The following HTT variants were observed in gnomAD, a reference collection of about 807,000 sequenced individuals.
HTT encodes the protein huntington disease protein.
Under a neutral mutation model 362.3 loss-of-function variants are expected in HTT, and 104 were observed. The observed-to-expected ratio is 0.29, with a 90% CI of 0.24 to 0.34. The LOEUF (loss-of-function observed/expected upper bound fraction) is 0.34. Ranked by LOEUF, HTT falls within the 10% of genes least tolerant of loss-of-function variation. The probability of loss-of-function intolerance (pLI) is 1.00; values close to 1 mark genes in which losing one functional copy is unlikely to be tolerated. For synonymous variants in HTT, 1,577 were observed against 1,548.7 expected, an observed-to-expected ratio of 1.02 and a Z score of -0.43; for missense variants, 3,301 against 3,928.6, an observed-to-expected ratio of 0.84 and a Z score of 4.27.
chr4:3,173,920 C>G (rs1164370001), intron 31 of HTT, among the ~76,000 whole-genome samples: 4 of 152,142 alleles, frequency 2.6e-5, no homozygotes, highest in African/African-American at 9.7e-5. Flanking sequence ...ATCTGCCCGT[C>G]CCGGCCTCCC....
chr4:3,202,584 C>T (rs549162768), intron 41 of HTT, among the ~76,000 whole-genome samples: 10 of 152,154 alleles, frequency 6.6e-5, no homozygotes, highest in Non-Finnish European at 1.5e-4. Flanking sequence ...CCTCCCCCAA[C>T]CACATCAAGA....
chr4:3,186,836 T>A, intron 38 of HTT, 117 bp downstream of exon 38: 1 of 697,510 alleles, frequency 1.4e-6, no homozygotes, highest in Non-Finnish European at 2.1e-6. Flanking sequence ...CTTGAGAGTT[T>A]GCTTTTTTTT....
chr4:3,139,442 C>T (rs371645641), intron 21 of HTT, among the ~76,000 whole-genome samples: 2 of 152,172 alleles, frequency 1.3e-5, no homozygotes, highest in African/African-American at 4.8e-5. Context: ...AAGCGGTCCC[C>T]CTGTCTCGGC....
chr4:3,155,201 CTATT>C (rs202108471), intron 27 of HTT, among the ~76,000 whole-genome samples: 9 of 151,630 alleles, frequency 5.9e-5, no homozygotes, highest in East Asian at 5.8e-4. Flanking sequence ...TATATCAAGG[CTATT>C]TATTTATTTA....
chr4:3,240,384 T>C lies in HTT; in HGVS notation c.*325T>C. The C allele has an allele frequency of 2.6e-6, 1 of 382,182 alleles. No homozygotes were observed. The highest frequency in any genetic ancestry group is 4.9e-6 in the Non-Finnish European group (1 of 205,188). 23.7% of individuals were successfully genotyped at this position (382,182 alleles called of 1,614,324 possible). A position where few individuals can be genotyped will look rare whatever the true frequency, so the allele number is the denominator to read the frequency against. The stretch of plus-strand genomic sequence containing the variant: ...GTTGTTGCCAGGTTGCAGCTGCTCT[T>C]GCATCTGGGCCAGAAGTCCTCCCTC... On this transcript the variant is annotated 3_prime_UTR_variant, in exon 67 of 67. Coordinates refer to ENST00000355072, the MANE Select transcript of HTT (RefSeq NM_001388492.1).
chr4:3,191,206 T>G (rs901939145), intron 40 of HTT, among the ~76,000 whole-genome samples: 4 of 151,752 alleles, frequency 2.6e-5, no homozygotes, highest in Admixed American at 2.0e-4. Context: ...AGAGTTTCAC[T>G]CTTGTTGCCC....
At chr4:3,086,383 A>T (rs1362232867) in intron 1 of HTT, among the ~76,000 whole-genome samples, 1 of 151,928 alleles carries the variant, frequency 6.6e-6, no homozygotes, top group Non-Finnish European at 1.5e-5. Context: ...ATAATGGGGG[A>T]AGTGAGGCCA....
chr4:3,109,258 C>T (rs1714604657), intron 6 of HTT, among the ~76,000 whole-genome samples: 1 of 151,438 alleles, frequency 6.6e-6, no homozygotes, highest in Non-Finnish European at 1.5e-5. Context: ...TGGAGTTTTG[C>T]TCTTGTTGCC....
intron 1 of HTT, among the ~76,000 whole-genome samples, chr4:3,075,650 G>C (rs542809924): frequency 7.0e-6 from 1 of 143,498 alleles, no homozygotes; most frequent in East Asian, 2.2e-4. Flanking sequence ...GGCGGGGCAG[G>C]GGGGGGGCGG....
chr4:3,152,255 C>T (rs751639304), intron 26 of HTT, among the ~76,000 whole-genome samples: 2 of 151,864 alleles, frequency 1.3e-5, no homozygotes, highest in Admixed American at 6.6e-5. Context: ...CCTGCCACCA[C>T]ACCCAGCTAA....
At position 3,141,639 on chromosome 4, in the gene HTT, G is replaced by C. The variant is rs544993507; in HGVS notation, c.2945+983G>C. 7.9e-5 allele frequency among the ~76,000 whole-genome samples: 12 copies of C among 152,272 alleles called. No individual in the cohort carries two copies. The East Asian group carries it at 1.5e-3, about 20-fold the overall frequency. ...TAGCCAGGCGTGGTGGCGGGCCCCT[G>C]TAATCCCAGCTACTCGGGAGGCTGA... On this transcript the variant is annotated intron_variant, in intron 22 of 66. Transcript: ENST00000355072.
At chr4:3,217,386 G>C (rs1720461016) in intron 51 of HTT, among the ~76,000 whole-genome samples, 1 of 152,228 alleles carries the variant, frequency 6.6e-6, no homozygotes, top group Non-Finnish European at 1.5e-5. Context: ...CTGAGGGACA[G>C]ACACAGGTCC....
At chr4:3,152,117 G>A (rs1412238518) in intron 26 of HTT, among the ~76,000 whole-genome samples, 2 of 103,776 alleles carry the variant, frequency 1.9e-5, no homozygotes, top group African/African-American at 3.4e-5. Flanking sequence ...TTTTTTTTTT[G>A]AGACAGAGTC....
chr4:3,238,730 G>GGGCCCCCCCCCCCCCCC, intron 65 of HTT, 88 bp from the exon 66 acceptor site: 4 of 1,096,982 alleles, frequency 3.6e-6, no homozygotes, highest in East Asian at 2.5e-5. Context: ...AATGCCTCTG[G>GGGCCCCCCCCCCCCCCC]CCCCCACCCC....
chr4:3,204,984 A>G (rs1326930985), intron 42 of HTT, among the ~76,000 whole-genome samples: 2 of 152,190 alleles, frequency 1.3e-5, no homozygotes, highest in East Asian at 3.8e-4. Flanking sequence ...CCCCTGCTCT[A>G]AAATAATTTT....
chr4:3,186,417 A>G (rs1312772318), intron 37 of HTT, among the ~76,000 whole-genome samples, 180 bp from the exon 38 acceptor site: 1 of 152,242 alleles, frequency 6.6e-6, no homozygotes, highest in Non-Finnish European at 1.5e-5. Flanking sequence ...AAATGTAGCT[A>G]TACAGTGTTG....
At chr4:3,080,345 T>A (rs1712826321) in intron 1 of HTT, among the ~76,000 whole-genome samples, 1 of 151,408 alleles carries the variant, frequency 6.6e-6, no homozygotes, top group Non-Finnish European at 1.5e-5. Flanking sequence ...TCCACTCGCC[T>A]CAGCCTGCCA....
In HTT at chr4:3,103,967, A is replaced by G. The variant is rs540523662; in HGVS notation, c.528+84A>G. 57 of 783,694 alleles carry G rather than the reference A, an allele frequency of 7.3e-5. No individual in the cohort carries two copies. In the East Asian group the frequency reaches 1.2e-3, roughly 17 times the overall value. The allele number at this position is 783,694 out of a possible 1,614,324, so 48.5% of individuals were successfully genotyped here. On this transcript the variant is annotated intron_variant, in intron 4 of 66. Transcript: ENST00000355072. ...GTATTTTGTAGGTACATGTAAATGT[A>G]TATATTTATGGGGTACATGAGATAT...
chr4:3,160,768 G>A (rs962608972), intron 29 of HTT, among the ~76,000 whole-genome samples: 7 of 152,100 alleles, frequency 4.6e-5, no homozygotes, highest in African/African-American at 1.7e-4. Flanking sequence ...TTTTGTGCCT[G>A]AGGAAGTAAC....
Sources: gnomAD v4.1 joint callset for allele counts (sites outside exome capture counted in the v4.1 genomes callset) on GRCh38, gnomAD v4.1.1 for gene constraint, MANE v1.5 for transcripts, NCBI Gene and HGNC (gene_info 2026-07-23, HGNC 2026-07-21) for gene names.